Variants in C12orf42 observed in about 807,000 individuals in gnomAD.
C12orf42 encodes uncharacterized protein C12orf42.
In C12orf42, 25 loss-of-function variants were observed where a neutral mutation model predicts 21.6. That is an observed-to-expected ratio of 1.16 (90% CI 0.84 to 1.62). The LOEUF (loss-of-function observed/expected upper bound fraction) is 1.62, where lower values mean the gene tolerates loss of function less well. Among genes scored for constraint, C12orf42 ranks in the 40% most tolerant of loss-of-function variants. The pLI, the probability that C12orf42 is intolerant of heterozygous loss-of-function variation, is 0.00. For synonymous variants in C12orf42, 174 were observed against 175.0 expected (o/e 0.99, Z 0.05); for missense variants, 483 against 459.3 (o/e 1.05, Z -0.47).
At chr12:103,527,204 C>A in the C12orf42 span, among the ~76,000 whole-genome samples, 10 of 152,174 alleles carry the variant, frequency 6.6e-5, no homozygotes, top group South Asian at 2.1e-3. Context: ...GAAATGGTTT[C>A]TTTTCTGCCA....
chr12:103,100,530 A>G, the C12orf42 span, among the ~76,000 whole-genome samples: 1 of 152,252 alleles, frequency 6.6e-6, no homozygotes, highest in African/African-American at 2.4e-5. Context: ...CTGAATGCCC[A>G]TTAAACTGGG....
chr12:103,301,297 C>T (rs2037631363), downstream of C12orf42, among the ~76,000 whole-genome samples: 1 of 152,118 alleles, frequency 6.6e-6, no homozygotes, highest in African/African-American at 2.4e-5. Flanking sequence ...TGCATGTATG[C>T]ATATCGGTCA....
the C12orf42 span, among the ~76,000 whole-genome samples, chr12:103,187,807 C>T: frequency 6.6e-6 from 1 of 152,196 alleles, no homozygotes; most frequent in Non-Finnish European, 1.5e-5. Flanking sequence ...ATTTCTGTAG[C>T]ACTTGCTAGC....
chr12:103,423,584 G>C (rs1949549094), intron 2 of C12orf42, among the ~76,000 whole-genome samples: 1 of 152,278 alleles, frequency 6.6e-6, no homozygotes, highest in Non-Finnish European at 1.5e-5. Context: ...CTGAGATTTT[G>C]TGCTCTACTG....
At chr12:103,308,907 G>C (rs1474996245) in intron 4 of C12orf42, among the ~76,000 whole-genome samples, 1 of 152,178 alleles carries the variant, frequency 6.6e-6, no homozygotes, top group Non-Finnish European at 1.5e-5. Context: ...AACGAAGGCA[G>C]AGATTGGAGG....
intron 2 of C12orf42, among the ~76,000 whole-genome samples, chr12:103,467,597 G>T (rs938979833): frequency 3.9e-5 from 6 of 152,090 alleles, no homozygotes; most frequent in African/African-American, 1.4e-4. Flanking sequence ...TTTCCTCTTG[G>T]GCCAACGCAC....
At chr12:103,084,061 C>G in the C12orf42 span, among the ~76,000 whole-genome samples, 1 of 152,130 alleles carries the variant, frequency 6.6e-6, no homozygotes, top group South Asian at 2.1e-4. Context: ...TTTTAAGATG[C>G]ACTTCCTTAA....
chr12:103,513,001 CAAA>C, the C12orf42 span, among the ~76,000 whole-genome samples: 6 of 123,898 alleles, frequency 4.8e-5, no homozygotes, highest in Admixed American at 8.4e-5. Context: ...GACTCCATAT[CAAA>C]AAAAAAAAAA....
At chr12:103,190,876 T>G in the C12orf42 span, among the ~76,000 whole-genome samples, 2 of 151,976 alleles carry the variant, frequency 1.3e-5, no homozygotes, top group Non-Finnish European at 2.9e-5. Flanking sequence ...TTCCCAAATA[T>G]GAGGAAGAAA....
At chr12:103,342,505 C>T (rs1443934135) in intron 4 of C12orf42, among the ~76,000 whole-genome samples, 1 of 151,908 alleles carries the variant, frequency 6.6e-6, no homozygotes, top group African/African-American at 2.4e-5. Flanking sequence ...CAAATCTGGC[C>T]AAGTGTAGTA....
intron 2 of C12orf42, among the ~76,000 whole-genome samples, chr12:103,466,617 T>G (rs1439624628): frequency 1.3e-5 from 2 of 152,108 alleles, no homozygotes; most frequent in Non-Finnish European, 2.9e-5. Flanking sequence ...TCTCTCTTAT[T>G]GCAAAATAAA....
chr12:103,327,255 A>T (rs1170626866), intron 4 of C12orf42, among the ~76,000 whole-genome samples: 2 of 152,202 alleles, frequency 1.3e-5, no homozygotes, highest in Non-Finnish European at 2.9e-5. Context: ...CTTTTGTGTC[A>T]GGACCTCTTG....
the C12orf42 span, among the ~76,000 whole-genome samples, chr12:103,092,754 C>A: frequency 6.6e-6 from 1 of 152,172 alleles, no homozygotes; most frequent in Non-Finnish European, 1.5e-5. Flanking sequence ...ATGAGATAAT[C>A]ACATATAGAA....
At chr12:103,454,340 G>T (rs2137542778) in intron 2 of C12orf42, among the ~76,000 whole-genome samples, 1 of 151,802 alleles carries the variant, frequency 6.6e-6, no homozygotes, top group South Asian at 2.1e-4. Context: ...ATTAGAACAG[G>T]GAATACTAAT....
At chr12:103,084,177 T>C in the C12orf42 span, among the ~76,000 whole-genome samples, 1 of 152,366 alleles carries the variant, frequency 6.6e-6, no homozygotes, top group South Asian at 2.1e-4. Flanking sequence ...TTTTTCATTC[T>C]GCTAATTGCT....
chr12:103,222,041 T>C, the C12orf42 span, among the ~76,000 whole-genome samples: 3 of 152,152 alleles, frequency 2.0e-5, no homozygotes, highest in Non-Finnish European at 4.4e-5. Context: ...AGGTAAGCCA[T>C]AGGAAGGGCA....
chr12:103,144,473 C>A, the C12orf42 span, among the ~76,000 whole-genome samples: 2 of 152,110 alleles, frequency 1.3e-5, no homozygotes, highest in Non-Finnish European at 2.9e-5. Flanking sequence ...AGGTAAGTCC[C>A]TTAATGAAAA....
chr12:103,555,409 C>G, the C12orf42 span, among the ~76,000 whole-genome samples: 1 of 151,964 alleles, frequency 6.6e-6, no homozygotes, highest in Non-Finnish European at 1.5e-5. Context: ...AAGACCTGCC[C>G]CCATGATTCA....
At chr12:103,544,236 T>C in the C12orf42 span, among the ~76,000 whole-genome samples, 6 of 152,284 alleles carry the variant, frequency 3.9e-5, no homozygotes, top group East Asian at 9.6e-4. Flanking sequence ...GTTTTTATTA[T>C]TCCTAAACAT....
Sources: gnomAD v4.1 joint callset for allele counts (sites outside exome capture counted in the v4.1 genomes callset) on GRCh38, gnomAD v4.1.1 for gene constraint, MANE v1.5 for transcripts, NCBI Gene and HGNC (gene_info 2026-07-23, HGNC 2026-07-21) for gene names.